The following GALNT1 variants were observed in gnomAD, a reference collection of about 807,000 sequenced individuals.
GALNT1 encodes polypeptide N-acetylgalactosaminyltransferase 1.
Under a neutral mutation model 65.7 loss-of-function variants are expected in GALNT1, and 17 were observed. The observed-to-expected ratio is 0.26, with a 90% CI of 0.18 to 0.39. The LOEUF (loss-of-function observed/expected upper bound fraction) is 0.39, where lower values mean the gene tolerates loss of function less well. GALNT1 is among the 10% of genes least tolerant of loss of function. The pLI is 1.00. For missense variants in GALNT1, 460 were observed against 672.8 expected, an observed-to-expected ratio of 0.68 and a Z score of 3.50; for synonymous variants, 210 against 219.7, an observed-to-expected ratio of 0.96 and a Z score of 0.39.
At chr18:35,648,137 A>AGGGAGGGAAGGAAGGT (rs2047259138) in intron 1 of GALNT1, among the ~76,000 whole-genome samples, 1 of 134,148 alleles carries the variant, frequency 7.5e-6, no homozygotes, top group Admixed American at 7.6e-5. Context: ...GGAAGGAAGG[A>AGGGAGGGAAGGAAGGT]AGGGAGGGAG....
rs575364050 is a variant in GALNT1 at position 35,586,810 on chromosome 18, T to C, written c.-104+4948T>C. On this transcript the variant is annotated intron_variant, in intron 1 of 11. Transcript: ENST00000269195. ...TTTTCCCCCGTTATTTTAGCTGTTC[T>C]AGTTCCTTTGCTTTTCCTTATAAAT... is the stretch of plus-strand genomic sequence containing the variant. Among the ~76,000 whole-genome samples the C allele has an allele frequency of 9.2e-5, 14 of 152,352 alleles. No individual in the cohort carries two copies. The South Asian group carries it at 1.7e-3, about 18-fold the overall frequency.
chr18:35,613,534 G>A (rs2046745171), intron 1 of GALNT1, among the ~76,000 whole-genome samples: 2 of 152,050 alleles, frequency 1.3e-5, no homozygotes, highest in Admixed American at 1.3e-4. Flanking sequence ...CCGTGCTGAG[G>A]GTTCTGGTAT....
In GALNT1 at chr18:35,710,905, C is replaced by T. The variant is rs1299001655; in HGVS notation, c.*1135C>T. ...CTTTTTCACTCCATACTCAGATATG[C>T]TTCATTGTCAAATGCATATTTAGAT... On this transcript the variant is annotated 3_prime_UTR_variant, in exon 12 of 12. Coordinates refer to ENST00000269195, the MANE Select transcript of GALNT1 (RefSeq NM_020474.4). 1.3e-5 allele frequency: 2 copies of T among 152,592 alleles called. No homozygotes were observed. Among genetic ancestry groups the T allele is most frequent in the Non-Finnish European group, 2.9e-5 (2 of 68,030 alleles). The allele number at this position is 152,592 out of a possible 1,614,324, so 9.5% of individuals were successfully genotyped here.
At chr18:35,583,506 G>A (rs2046347542) in intron 1 of GALNT1, among the ~76,000 whole-genome samples, 1 of 152,110 alleles carries the variant, frequency 6.6e-6, no homozygotes, top group African/African-American at 2.4e-5. Context: ...CAGAGATTGT[G>A]GCTTCCTTTT....
At chr18:35,671,327 C>T (rs552050957) in intron 3 of GALNT1, among the ~76,000 whole-genome samples, 2 of 152,144 alleles carry the variant, frequency 1.3e-5, no homozygotes, top group Non-Finnish European at 2.9e-5. Flanking sequence ...AACAATCATC[C>T]GACCTCAGCC....
rs369454114 is a variant in GALNT1, at chr18:35,627,968, T to C, written c.-103-26592T>C. ...TCCTACGCCCACGGAGCCTCGCTCA[T>C]TGCTAGCATAGCAGTCTGAGATTGA... On this transcript the variant is annotated intron_variant, in intron 1 of 11. Transcript: ENST00000269195. Among the ~76,000 whole-genome samples the C allele has an allele frequency of 8.7e-3, 1,323 of 152,168 alleles. 21 individuals carry two copies. The highest frequency in any genetic ancestry group is 0.047 in the East Asian group (242 of 5,174).
intron 1 of GALNT1, among the ~76,000 whole-genome samples, chr18:35,649,293 T>C (rs565727803): frequency 1.3e-5 from 2 of 152,368 alleles, no homozygotes; most frequent in East Asian, 3.9e-4. Context: ...TTTAATTTAA[T>C]GTTGAATTTC....
intron 9 of GALNT1, among the ~76,000 whole-genome samples, chr18:35,693,114 C>T (rs1045599096): frequency 2.6e-5 from 4 of 151,968 alleles, no homozygotes; most frequent in South Asian, 2.1e-4. Flanking sequence ...GACAAGTGAG[C>T]GTGGGTAGTA....
chr18:35,660,661 A>C (rs1049800431), intron 2 of GALNT1, among the ~76,000 whole-genome samples: 1 of 152,184 alleles, frequency 6.6e-6, no homozygotes, highest in African/African-American at 2.4e-5. Context: ...AGAACATGGA[A>C]AGTTTATACT....
intron 2 of GALNT1, among the ~76,000 whole-genome samples, chr18:35,660,614 G>A (rs1233226590): frequency 6.6e-6 from 1 of 152,064 alleles, no homozygotes; most frequent in Non-Finnish European, 1.5e-5. Context: ...AATTTTCACA[G>A]AACCTACTTT....
chr18:35,691,240 C>T (rs1402897157), intron 8 of GALNT1, 48 bp downstream of exon 8: 2 of 1,494,748 alleles, frequency 1.3e-6, no homozygotes, highest in East Asian at 2.3e-5. Flanking sequence ...CTTTGTTGAC[C>T]CTGATCCTGG....
At chr18:35,661,344 C>G (rs1040060955) in intron 2 of GALNT1, among the ~76,000 whole-genome samples, 1 of 151,934 alleles carries the variant, frequency 6.6e-6, no homozygotes, top group African/African-American at 2.4e-5. Context: ...ACTGAAAATA[C>G]AAAAATTAGC....
chr18:35,626,097 A>G (rs895490001), intron 1 of GALNT1, among the ~76,000 whole-genome samples: 5 of 152,038 alleles, frequency 3.3e-5, no homozygotes, highest in African/African-American at 1.2e-4. Flanking sequence ...CCTAACTCAT[A>G]CCAATTCTCT....
At chr18:35,603,321 A>G (rs1028427083) in intron 1 of GALNT1, among the ~76,000 whole-genome samples, 1 of 151,982 alleles carries the variant, frequency 6.6e-6, no homozygotes, top group African/African-American at 2.4e-5. Flanking sequence ...TATTGTGGAG[A>G]GAGAAGTCTG....
intron 4 of GALNT1, among the ~76,000 whole-genome samples, chr18:35,681,307 T>C (rs566114504): frequency 6.6e-6 from 1 of 152,140 alleles, no homozygotes; most frequent in Non-Finnish European, 1.5e-5. Context: ...TTTTGTAAAA[T>C]GAGACTTGGA....
At chr18:35,693,214 T>C (rs541515698) in intron 9 of GALNT1, among the ~76,000 whole-genome samples, 8 of 152,288 alleles carry the variant, frequency 5.3e-5, no homozygotes, top group African/African-American at 1.9e-4. Flanking sequence ...AGAAAGTGAA[T>C]GAGCAGGTCA....
chr18:35,711,346 T>G lies in GALNT1; in HGVS notation c.*1576T>G, dbSNP rs1388064291. ...CAGTGCTATTTCTTGTGCCTAAGAA[T>G]GTTTCCAAAAGTCGCATCGCTAATG... On this transcript the variant is annotated 3_prime_UTR_variant, in exon 12 of 12. Coordinates refer to ENST00000269195, the MANE Select transcript of GALNT1 (RefSeq NM_020474.4). The G allele has an allele frequency of 6.6e-6, 1 of 152,668 alleles. No homozygotes were observed. The highest frequency in any genetic ancestry group is 1.5e-5 in the Non-Finnish European group (1 of 68,038). The allele number at this position is 152,668 out of a possible 1,614,324, so 9.5% of individuals were successfully genotyped here.
chr18:35,655,744 C>A (rs577879232), intron 2 of GALNT1, among the ~76,000 whole-genome samples: 6 of 151,976 alleles, frequency 3.9e-5, no homozygotes, highest in African/African-American at 1.4e-4. Context: ...CCAAAATTTA[C>A]AATAGAAAAA....
intron 2 of GALNT1, among the ~76,000 whole-genome samples, chr18:35,660,229 T>C (rs2047457878): frequency 1.4e-5 from 1 of 70,288 alleles, no homozygotes; most frequent in Non-Finnish European, 3.0e-5. Flanking sequence ...AGAAGTCATA[T>C]AACTTTAGTC....
Sources: gnomAD v4.1 joint callset for allele counts (sites outside exome capture counted in the v4.1 genomes callset) on GRCh38, gnomAD v4.1.1 for gene constraint, MANE v1.5 for transcripts, NCBI Gene and HGNC (gene_info 2026-07-23, HGNC 2026-07-21) for gene names.